Variants in SNTG1 observed in about 807,000 individuals in gnomAD.
SNTG1 encodes the protein gamma-1-syntrophin.
SNTG1 carries 39 observed loss-of-function variants against 74.7 expected under a neutral mutation model. The observed-to-expected ratio is 0.52, with a 90% CI of 0.40 to 0.68. SNTG1 has a LOEUF of 0.68. Among genes scored for constraint, SNTG1 ranks in the 30% least tolerant of loss-of-function variants. SNTG1 has a pLI of 0.00. For synonymous variants in SNTG1, 254 were observed against 217.1 expected, an observed-to-expected ratio of 1.17 and a Z score of -1.49; for missense variants, 685 against 609.5, an observed-to-expected ratio of 1.12 and a Z score of -1.30.
Position 49,932,339 on chromosome 8 carries a change from TCTAA to T in SNTG1, c.-103+20111_-103+20114del, listed in dbSNP as rs527274855. 3.5e-3 allele frequency among the ~76,000 whole-genome samples: 529 copies of T among 152,220 alleles called. 3 individuals are homozygous for T. The highest frequency in any genetic ancestry group is 0.012 in the African/African-American group (504 of 41,538). On this transcript the variant is annotated intron_variant, in intron 1 of 18. Transcript: ENST00000642720. ...CTAATGCAATTCTATTTACTTTTCT[TCTAA>T]CTTTTTATTTGAAAAATGTCAATCT...
At chr8:50,398,499 T>G (rs1236736428) in intron 3 of SNTG1, among the ~76,000 whole-genome samples, 2 of 152,222 alleles carry the variant, frequency 1.3e-5, no homozygotes, top group African/African-American at 4.8e-5. Context: ...TTTCCTCAAT[T>G]AATTTTTTTC....
intron 1 of SNTG1, among the ~76,000 whole-genome samples, chr8:49,961,756 A>G (rs1302610005): frequency 1.3e-5 from 2 of 152,210 alleles, no homozygotes; most frequent in Admixed American, 6.5e-5. Context: ...TCTCTACATC[A>G]GATCACATGG....
chr8:50,445,926 G>A (rs1184205974), intron 5 of SNTG1, among the ~76,000 whole-genome samples: 2 of 152,132 alleles, frequency 1.3e-5, no homozygotes, highest in Admixed American at 6.5e-5. Flanking sequence ...TTCAAGTAAG[G>A]AGACACTAAA....
chr8:49,977,403 G>T (rs576220404), intron 1 of SNTG1, among the ~76,000 whole-genome samples: 1 of 152,070 alleles, frequency 6.6e-6, no homozygotes, highest in Non-Finnish European at 1.5e-5. Flanking sequence ...AGGTTGTTTT[G>T]AGAGTGCTCC....
chr8:50,488,438 T>A (rs2093818831), intron 8 of SNTG1, among the ~76,000 whole-genome samples: 1 of 152,194 alleles, frequency 6.6e-6, no homozygotes, highest in South Asian at 2.1e-4. Context: ...CTTACCTCCT[T>A]CTATCCCTTG....
chr8:50,461,727 G>GTTTT lies in SNTG1; in HGVS notation c.363+11001_363+11002insTTTT, dbSNP rs1394345848. On this transcript the variant is annotated intron_variant, in intron 8 of 18. Coordinates refer to ENST00000642720, the MANE Select transcript of SNTG1 (RefSeq NM_018967.5). ...TTTGCTGTTGTTGTTGTTATTGTTT[G>GTTTT]TTTGTTTGTTTTGTTTTGTTTTCAG... Among the ~76,000 whole-genome samples the GTTTT allele has an allele frequency of 3.1e-4, 15 of 48,360 alleles. No individual in the cohort carries two copies. In the East Asian group the frequency reaches 9.3e-3, roughly 30 times the overall value. The allele number at this position is 48,360 out of a possible 152,430, so 31.7% of individuals were successfully genotyped here. A position where few individuals can be genotyped will look rare whatever the true frequency, so the allele number is the denominator to read the frequency against.
intron 2 of SNTG1, among the ~76,000 whole-genome samples, chr8:50,279,003 T>C (rs1224085989): frequency 6.6e-6 from 1 of 152,126 alleles, no homozygotes; most frequent in Non-Finnish European, 1.5e-5. Flanking sequence ...ACAGTTCACA[T>C]CATAATTTAG....
At chr8:50,594,519 G>A (rs1456973278) in intron 13 of SNTG1, among the ~76,000 whole-genome samples, 1 of 151,922 alleles carries the variant, frequency 6.6e-6, no homozygotes, top group Non-Finnish European at 1.5e-5. Flanking sequence ...AGCTCTGGTA[G>A]CTATTCCTAT....
intron 2 of SNTG1, among the ~76,000 whole-genome samples, chr8:50,246,855 C>G (rs936799910): frequency 6.6e-6 from 1 of 152,192 alleles, no homozygotes; most frequent in Admixed American, 6.5e-5. Context: ...CTACTTCAAC[C>G]TCTTTTTAGC....
At chr8:50,120,642 A>G (rs1586363250) in intron 1 of SNTG1, among the ~76,000 whole-genome samples, 2 of 141,602 alleles carry the variant, frequency 1.4e-5, no homozygotes. Context: ...CTCTGTCACT[A>G]CCAACCTCAC....
chr8:50,755,595 G>A (rs903641154), intron 18 of SNTG1, among the ~76,000 whole-genome samples: 1 of 151,868 alleles, frequency 6.6e-6, no homozygotes, highest in African/African-American at 2.4e-5. Context: ...GTGGACATAA[G>A]TTTTCAACTT....
intron 1 of SNTG1, among the ~76,000 whole-genome samples, chr8:50,136,411 G>A (rs979561709): frequency 5.3e-5 from 8 of 152,142 alleles, no homozygotes; most frequent in Non-Finnish European, 1.0e-4. Context: ...AGCCACACCA[G>A]CATCTGTTAT....
At chr8:50,542,436 C>G (rs970633108) in intron 11 of SNTG1, among the ~76,000 whole-genome samples, 1 of 152,030 alleles carries the variant, frequency 6.6e-6, no homozygotes, top group Non-Finnish European at 1.5e-5. Context: ...GGATTAAAGG[C>G]ATGAGCCACC....
At chr8:50,706,870 A>G (rs997981072) in intron 16 of SNTG1, among the ~76,000 whole-genome samples, 2 of 151,972 alleles carry the variant, frequency 1.3e-5, no homozygotes, top group Non-Finnish European at 2.9e-5. Flanking sequence ...GAAGGAATAT[A>G]AGTTCTATCG....
Position 50,295,394 on chromosome 8 carries a change from A to T in SNTG1, c.-27-98818A>T, listed in dbSNP as rs576512457. Among the ~76,000 whole-genome samples the T allele has an allele frequency of 7.9e-5, 12 of 152,270 alleles. No individual in the cohort carries two copies. The South Asian group carries it at 2.5e-3, about 32-fold the overall frequency. ...GAAAAATCCATATATGTCTTTAATC[A>T]TTTTGAAGTTTACCTTAAAGGATAT... On this transcript the variant is annotated intron_variant, in intron 2 of 18. Coordinates refer to ENST00000642720, the MANE Select transcript of SNTG1 (RefSeq NM_018967.5).
At chr8:49,998,530 G>A (rs765489674) in intron 1 of SNTG1, among the ~76,000 whole-genome samples, 3 of 149,706 alleles carry the variant, frequency 2.0e-5, no homozygotes, top group Non-Finnish European at 3.0e-5. Context: ...TATACTATAT[G>A]TTTTATTTTA....
chr8:50,646,542 A>C (rs894087376), intron 13 of SNTG1, among the ~76,000 whole-genome samples: 2 of 152,168 alleles, frequency 1.3e-5, no homozygotes, highest in Non-Finnish European at 2.9e-5. Context: ...TCAAAATTAG[A>C]CTGTGAGAAT....
intron 1 of SNTG1, among the ~76,000 whole-genome samples, chr8:50,077,874 GT>G (rs1438303505): frequency 6.6e-6 from 1 of 152,060 alleles, no homozygotes; most frequent in Non-Finnish European, 1.5e-5. Flanking sequence ...AAGTTTTATA[GT>G]TCCAACTCTT....
intron 1 of SNTG1, among the ~76,000 whole-genome samples, chr8:49,925,934 TATCTCCCTATGAGCACACTTG>T (rs1806982477): frequency 6.6e-6 from 1 of 152,190 alleles, no homozygotes; most frequent in Non-Finnish European, 1.5e-5. Context: ...AGAACTGGAA[TATCTCCCTATGAGCACACTTG>T]ATCACTTAAT....
Sources: allele counts gnomAD v4.1 joint callset (sites outside exome capture counted in the v4.1 genomes callset), GRCh38; gene constraint gnomAD v4.1.1; transcripts MANE v1.5; gene names NCBI Gene and HGNC (gene_info 2026-07-23, HGNC 2026-07-21).